The following BMP7 variants were observed in gnomAD, a reference collection of about 807,000 sequenced individuals.
BMP7 encodes the protein osteogenic protein 1.
BMP7 carries 12 observed loss-of-function variants against 41.2 expected under a neutral mutation model. That is an observed-to-expected ratio of 0.29 (90% confidence interval 0.19 to 0.47). BMP7 has a LOEUF of 0.47. Among genes scored for constraint, BMP7 ranks in the 20% least tolerant of loss-of-function variants. The probability of loss-of-function intolerance (pLI) is 0.99; values close to 1 mark genes in which losing one functional copy is unlikely to be tolerated. For missense variants in BMP7, 467 were observed against 606.0 expected, an observed-to-expected ratio of 0.77 and a Z score of 2.41; for synonymous variants, 248 against 250.0, an observed-to-expected ratio of 0.99 and a Z score of 0.07.
intron 3 of BMP7, among the ~76,000 whole-genome samples, chr20:57,200,504 C>T (rs1484029090): frequency 6.6e-6 from 1 of 152,128 alleles, no homozygotes; most frequent in Non-Finnish European, 1.5e-5. Flanking sequence ...AGGAGCTGGC[C>T]ACAGGGCTGG....
chr20:57,180,709 C>G (rs931552211), intron 4 of BMP7, among the ~76,000 whole-genome samples: 1 of 152,102 alleles, frequency 6.6e-6, no homozygotes, highest in African/African-American at 2.4e-5. Flanking sequence ...TCAAAGACCC[C>G]TTTGAGAAAC....
chr20:57,190,835 T>A (rs908052104), intron 3 of BMP7, among the ~76,000 whole-genome samples: 6 of 152,048 alleles, frequency 3.9e-5, no homozygotes, highest in Non-Finnish European at 7.4e-5. Context: ...TAACGCTGGC[T>A]CCAAAGCTTG....
At chr20:57,254,984 T>A (rs1208046803) in intron 1 of BMP7, among the ~76,000 whole-genome samples, 1 of 152,098 alleles carries the variant, frequency 6.6e-6, no homozygotes, top group Non-Finnish European at 1.5e-5. Context: ...GACAATTATT[T>A]TTAAACCATA....
At chr20:57,265,283 A>G (rs2738275) in intron 1 of BMP7, among the ~76,000 whole-genome samples, 61,982 of 152,042 alleles carry the variant, frequency 0.41, 18,082 homozygotes, top group African/African-American at 0.83. Flanking sequence ...GCGATGCCAG[A>G]GCCAGGCAGG....
At chr20:57,246,092 A>T (rs1178887408) in intron 1 of BMP7, among the ~76,000 whole-genome samples, 1 of 152,194 alleles carries the variant, frequency 6.6e-6, no homozygotes, top group Non-Finnish European at 1.5e-5. Flanking sequence ...TGATCTACAC[A>T]CTGGTTACCC....
rs1018800822 is a variant in BMP7 at position 57,224,251 on chromosome 20, G to T, written c.611+3978C>A. 2.6e-5 allele frequency among the ~76,000 whole-genome samples: 4 copies of T among 152,190 alleles called. No individual in the cohort carries two copies. The highest frequency in any genetic ancestry group is 6.5e-5 in the Admixed American group (1 of 15,282). On this transcript the variant is annotated intron_variant, in intron 2 of 6. Transcript: ENST00000395863. This position sits in a 1 kb window ranked among gnomAD's most constrained non-coding sequence, Gnocchi z 4.8. The stretch of plus-strand genomic sequence containing the variant: ...TCTTGGCCCTCGAGACCACGCTGAG[G>T]TCACCCTCCTGGCAGCCAAAATCAC...
chr20:57,214,273 G>A lies in BMP7; in HGVS notation c.612-11650C>T, dbSNP rs1984961227. Among the ~76,000 whole-genome samples, 2 of 152,086 alleles carry A rather than the reference G, an allele frequency of 1.3e-5. No homozygotes were observed. ...AGAGCTACCACCCAGAGAACCCGGG[G>A]GTTCCCCTTCCACTCTTCTCACCCC... On this transcript the variant is annotated intron_variant, in intron 2 of 6. Coordinates refer to ENST00000395863, the MANE Select transcript of BMP7 (RefSeq NM_001719.3). The surrounding 1 kb of genome is among the most constrained non-coding windows in gnomAD (Gnocchi z 4.0).
Position 57,169,943 on chromosome 20 carries a change from G to C in BMP7, c.*1016C>G, listed in dbSNP as rs1032117675. On this transcript the variant is annotated 3_prime_UTR_variant, in exon 7 of 7. Transcript: ENST00000395863. ...GGCTAATTTTTGTATTTTTAGTAGAGATGGGGTTTCACCATGTTGGCCAGG... is the reference window on the plus strand; with the variant it reads ...GGCTAATTTTTGTATTTTTAGTAGACATGGGGTTTCACCATGTTGGCCAGG... The C allele has an allele frequency of 2.0e-5, 3 of 152,232 alleles. No individual in the cohort carries two copies. Among genetic ancestry groups the C allele is most frequent in the African/African-American group, 4.8e-5 (2 of 41,434 alleles). 9.4% of individuals were successfully genotyped at this position (152,232 alleles called of 1,614,324 possible).
chr20:57,241,375 A>G (rs965266685), intron 1 of BMP7, among the ~76,000 whole-genome samples: 1 of 152,162 alleles, frequency 6.6e-6, no homozygotes, highest in African/African-American at 2.4e-5. Context: ...CTCCTGCCTA[A>G]TGCCAGTCCT....
At chr20:57,240,913 A>C (rs1039062622) in intron 1 of BMP7, among the ~76,000 whole-genome samples, 2 of 152,240 alleles carry the variant, frequency 1.3e-5, no homozygotes, top group African/African-American at 4.8e-5. Context: ...TGGTAGGGAC[A>C]CAGCCAAACC....
At chr20:57,237,288 C>T (rs187412482) in intron 1 of BMP7, among the ~76,000 whole-genome samples, 1 of 152,320 alleles carries the variant, frequency 6.6e-6, no homozygotes, top group East Asian at 1.9e-4. Context: ...TGGGTTTTCA[C>T]AGACCCGAGG....
At chr20:57,254,286 G>T (rs558199864) in intron 1 of BMP7, among the ~76,000 whole-genome samples, 23 of 152,008 alleles carry the variant, frequency 1.5e-4, no homozygotes, top group Non-Finnish European at 2.8e-4. Context: ...GCCTCCCAAA[G>T]TGCTGGGATT....
chr20:57,221,130 C>T (rs1985179919), intron 2 of BMP7, among the ~76,000 whole-genome samples: 1 of 152,160 alleles, frequency 6.6e-6, no homozygotes, highest in Non-Finnish European at 1.5e-5. Context: ...AACTCCTCCC[C>T]TTGTGGACCC....
At chr20:57,254,017 CTTTTTTTTTTTTT>C (rs35180643) in intron 1 of BMP7, among the ~76,000 whole-genome samples, 7 of 71,542 alleles carry the variant, frequency 9.8e-5, no homozygotes, top group South Asian at 5.5e-4. Context: ...GGTTTCTTTC[CTTTTTTTTTTTTT>C]TTTTTTTTTT....
chr20:57,189,942 G>T (rs1984310970), intron 3 of BMP7, among the ~76,000 whole-genome samples: 1 of 152,238 alleles, frequency 6.6e-6, no homozygotes, highest in Non-Finnish European at 1.5e-5. Flanking sequence ...GGGTGGCAGG[G>T]ACATGACAGT....
At chr20:57,265,227 G>A (rs1415375181) in intron 1 of BMP7, among the ~76,000 whole-genome samples, 2 of 152,330 alleles carry the variant, frequency 1.3e-5, no homozygotes, top group South Asian at 2.1e-4. Flanking sequence ...CGCACCACGA[G>A]GGGACAGGTA....
chr20:57,240,286 C>G (rs1026102831), intron 1 of BMP7, among the ~76,000 whole-genome samples: 2 of 152,160 alleles, frequency 1.3e-5, no homozygotes, highest in African/African-American at 4.8e-5. Flanking sequence ...GAAAAAATGC[C>G]GTCAGGCTCT....
chr20:57,265,651 C>A, intron 1 of BMP7, 54 bp downstream of exon 1: 2 of 1,557,792 alleles, frequency 1.3e-6, no homozygotes, highest in South Asian at 2.4e-5. Flanking sequence ...CCCTCCCTCC[C>A]AGTCTCAAAG....
intron 1 of BMP7, among the ~76,000 whole-genome samples, chr20:57,251,464 C>T (rs1034287068): frequency 6.6e-6 from 1 of 152,222 alleles, no homozygotes; most frequent in Non-Finnish European, 1.5e-5. Flanking sequence ...TTCGACATCA[C>T]CCTTGTGGGG....
Sources: allele counts gnomAD v4.1 joint callset (sites outside exome capture counted in the v4.1 genomes callset), GRCh38; gene constraint gnomAD v4.1.1; non-coding constraint Gnocchi (gnomAD v3.1); transcripts MANE v1.5; gene names NCBI Gene and HGNC (gene_info 2026-07-23, HGNC 2026-07-21).